Variants in MCTP1 observed in about 807,000 individuals in gnomAD.
MCTP1 encodes the protein multiple C2 and transmembrane domain containing 1, also known as multiple C2 and transmembrane domain-containing protein 1.
A neutral mutation model predicts 120.6 loss-of-function variants in MCTP1; 69 were observed. That is an observed-to-expected ratio of 0.57 (90% CI 0.47 to 0.70). The LOEUF is 0.70. MCTP1 is among the 30% of genes least tolerant of loss of function. The pLI, the probability that MCTP1 is intolerant of heterozygous loss-of-function variation, is 0.00. For missense variants in MCTP1, 1,203 were observed against 1,248.8 expected (o/e 0.96, Z 0.55); for synonymous variants, 529 against 493.1 (o/e 1.07, Z -0.96).
intron 2 of MCTP1, among the ~76,000 whole-genome samples, chr5:95,000,905 T>C (rs1561995804): frequency 6.6e-6 from 1 of 152,318 alleles, no homozygotes; most frequent in South Asian, 2.1e-4. Context: ...AAATGCCCTA[T>C]ACAGGTTGAT....
At chr5:95,274,235 G>A (rs1305123229) in intron 1 of MCTP1, among the ~76,000 whole-genome samples, 1 of 152,088 alleles carries the variant, frequency 6.6e-6, no homozygotes, top group Non-Finnish European at 1.5e-5. Flanking sequence ...TTGTGCTTAG[G>A]CAACAGTCTT....
intron 1 of MCTP1, among the ~76,000 whole-genome samples, chr5:95,038,729 G>A (rs189641769): frequency 2.8e-3 from 429 of 152,286 alleles, no homozygotes; most frequent in Non-Finnish European, 4.9e-3. Context: ...CAGTGTTTAC[G>A]TTTAACCAAA....
chr5:94,977,021 G>A (rs1216581701), intron 2 of MCTP1, among the ~76,000 whole-genome samples: 1 of 152,086 alleles, frequency 6.6e-6, no homozygotes, highest in East Asian at 1.9e-4. Context: ...ATCTGAAAAG[G>A]AGAAGTAAAA....
chr5:94,895,032 C>T (rs1193193187), intron 10 of MCTP1, among the ~76,000 whole-genome samples, 197 bp from the exon 11 acceptor site: 1 of 152,086 alleles, frequency 6.6e-6, no homozygotes, highest in East Asian at 1.9e-4. Context: ...TGTTTATTTC[C>T]TGTAAGATAC....
intron 17 of MCTP1, among the ~76,000 whole-genome samples, chr5:94,829,059 C>A (rs182152625): frequency 2.0e-5 from 3 of 152,160 alleles, no homozygotes; most frequent in African/African-American, 7.2e-5. Flanking sequence ...CCCAAATGGC[C>A]GCCTAGTTTT....
chr5:94,777,672 T>C (rs1294453199), intron 19 of MCTP1, among the ~76,000 whole-genome samples: 3 of 152,124 alleles, frequency 2.0e-5, no homozygotes, highest in South Asian at 2.1e-4. Flanking sequence ...AGCTGGCATA[T>C]TGAGTTAAAA....
chr5:94,720,603 A>C (rs1760682814), intron 19 of MCTP1, among the ~76,000 whole-genome samples: 4 of 152,152 alleles, frequency 2.6e-5, no homozygotes, highest in Admixed American at 2.6e-4. Flanking sequence ...ATGTTGGGGA[A>C]AAAAAGGATG....
chr5:94,952,974 G>A (rs1821004301), intron 3 of MCTP1, among the ~76,000 whole-genome samples: 1 of 152,146 alleles, frequency 6.6e-6, no homozygotes, highest in Non-Finnish European at 1.5e-5. Flanking sequence ...GCAATACCAA[G>A]CACAAGGGAT....
chr5:95,209,284 A>G (rs1025924159), intron 1 of MCTP1, among the ~76,000 whole-genome samples: 2 of 152,136 alleles, frequency 1.3e-5, no homozygotes, highest in African/African-American at 4.8e-5. Context: ...ATGAAACACC[A>G]GTTACATTAC....
chr5:95,098,490 G>C (rs1163295571), intron 1 of MCTP1, among the ~76,000 whole-genome samples: 3 of 152,002 alleles, frequency 2.0e-5, no homozygotes, highest in Middle Eastern at 3.2e-3. Context: ...GACAAACAGA[G>C]AGCCAAATCA....
rs1188495020 is a variant in MCTP1, at chr5:94,912,932, C to A, written c.1395G>T (p.Ser465=). 2.5e-6 allele frequency: 4 copies of A among 1,603,052 alleles called. No individual in the cohort carries two copies. Among genetic ancestry groups the A allele is most frequent in the East Asian group, 2.3e-5 (1 of 43,626 alleles). Residue 465 remains serine (S), a synonymous_variant, in exon 9 of 23, where the codon TCG becomes TCT. Transcript: ENST00000515393. ...TGCTGACTATTCCTCTCCAAAGATG[C>A]GATTTTCTGTGTAGGTCTGATAGGC... The part of the protein sequence containing the change: ...SLRLSDLHRK[S]HLWRGIVSIT...
chr5:95,233,864 A>G (rs939830314), intron 1 of MCTP1, among the ~76,000 whole-genome samples: 1 of 152,138 alleles, frequency 6.6e-6, no homozygotes, highest in African/African-American at 2.4e-5. Flanking sequence ...AATCCAACGT[A>G]AGCAGAAAAA....
chr5:95,191,462 GA>G (rs1749822257), intron 1 of MCTP1, among the ~76,000 whole-genome samples: 1 of 151,940 alleles, frequency 6.6e-6, no homozygotes, highest in East Asian at 1.9e-4. Flanking sequence ...CGAATCTGAA[GA>G]AAAGGTTATT....
rs972525481 is a variant in MCTP1, at chr5:94,714,096, AT to A, written c.2720+680del. 4.7e-4 allele frequency among the ~76,000 whole-genome samples: 71 copies of A among 152,290 alleles called. No individual in the cohort carries two copies. In the East Asian group the frequency reaches 6.2e-3, roughly 13 times the overall value. On this transcript the variant is annotated intron_variant, in intron 20 of 22. Coordinates refer to ENST00000515393, the MANE Select transcript of MCTP1 (RefSeq NM_024717.7). ...GCTGTAAATACACCTTTTAAAAAAA[AT>A]ATAACATTAGTTTAGATAAAACACA...
At chr5:95,187,407 G>A (rs1170906778) in intron 1 of MCTP1, among the ~76,000 whole-genome samples, 4 of 152,028 alleles carry the variant, frequency 2.6e-5, no homozygotes, top group African/African-American at 9.7e-5. Context: ...AAGTTTTTTT[G>A]TTTTTGTTTT....
intron 1 of MCTP1, among the ~76,000 whole-genome samples, chr5:95,105,582 G>A (rs1043731210): frequency 3.3e-5 from 5 of 152,052 alleles, no homozygotes; most frequent in Admixed American, 2.0e-4. Flanking sequence ...CAGGGAAGAG[G>A]ATATCACATC....
At chr5:94,987,156 GGC>G (rs1830566402) in intron 2 of MCTP1, among the ~76,000 whole-genome samples, 1 of 152,136 alleles carries the variant, frequency 6.6e-6, no homozygotes, top group South Asian at 2.1e-4. Flanking sequence ...AGATGGGAAA[GGC>G]TAACTGTGTT....
chr5:94,914,413 T>TATC (rs1324221303), intron 8 of MCTP1, among the ~76,000 whole-genome samples: 4 of 152,266 alleles, frequency 2.6e-5, no homozygotes, highest in African/African-American at 4.8e-5. Context: ...TAGGTATTTT[T>TATC]ATCATCATCA....
intron 1 of MCTP1, among the ~76,000 whole-genome samples, chr5:95,072,185 C>G (rs1195811116): frequency 1.3e-5 from 2 of 151,702 alleles, no homozygotes; most frequent in African/African-American, 2.4e-5. Flanking sequence ...ATGTACCCCA[C>G]CTCCTATCCA....
Sources: allele counts gnomAD v4.1 joint callset (sites outside exome capture counted in the v4.1 genomes callset), GRCh38; gene constraint gnomAD v4.1.1; transcripts MANE v1.5; gene names NCBI Gene and HGNC (gene_info 2026-07-23, HGNC 2026-07-21).